Variants in NAV2 observed in about 807,000 individuals in gnomAD.
NAV2 encodes helicase, APC down-regulated 1.
A neutral mutation model predicts 223.2 loss-of-function variants in NAV2; 54 were observed. The ratio of observed to expected loss-of-function variants is 0.24; its 90% confidence interval spans 0.19 to 0.30. NAV2 has a LOEUF of 0.30. NAV2 is among the 10% of genes least tolerant of loss of function. The pLI is 1.00. For missense variants in NAV2, 2,806 were observed against 3,147.5 expected, an observed-to-expected ratio of 0.89 and a Z score of 2.60; for synonymous variants, 1,279 against 1,239.3, an observed-to-expected ratio of 1.03 and a Z score of -0.67.
At chr11:20,070,724 T>G (rs2059347590) in intron 22 of NAV2, among the ~76,000 whole-genome samples, 1 of 152,168 alleles carries the variant, frequency 6.6e-6, no homozygotes, top group African/African-American at 2.4e-5. Context: ...GTGTTTGTTT[T>G]CCCTGGGAAT....
chr11:19,706,520 T>C (rs2049667543), intron 1 of NAV2, among the ~76,000 whole-genome samples: 2 of 152,260 alleles, frequency 1.3e-5, no homozygotes, highest in African/African-American at 2.4e-5. Context: ...TTGTTTGTCA[T>C]TCATTTATTC....
chr11:19,591,564 G>A (rs10741782), intron 1 of NAV2, among the ~76,000 whole-genome samples: 147,362 of 152,336 alleles, frequency 0.97, 71,465 homozygotes, highest in East Asian at 1. Flanking sequence ...GCTGGATTCA[G>A]TGATGTCCCA....
chr11:19,597,120 G>A (rs1219125199), intron 1 of NAV2, among the ~76,000 whole-genome samples: 1 of 152,168 alleles, frequency 6.6e-6, no homozygotes, highest in East Asian at 1.9e-4. Flanking sequence ...AGTTTCCATA[G>A]GTGACTTTGT....
At chr11:19,390,838 G>A (rs1417847433) in intron 1 of NAV2, among the ~76,000 whole-genome samples, 1 of 152,120 alleles carries the variant, frequency 6.6e-6, no homozygotes, top group Non-Finnish European at 1.5e-5. Context: ...GAGTGGGCTT[G>A]GTCAGTGTTA....
intron 5 of NAV2, 123 bp from the exon 6 acceptor site, chr11:19,892,311 G>A (rs1035623853): frequency 1.0e-5 from 9 of 900,184 alleles, no homozygotes; most frequent in Non-Finnish European, 1.4e-5. Flanking sequence ...TCTGTGACTG[G>A]CAAACCTCCA....
At chr11:19,886,847 G>A (rs2041038420) in intron 5 of NAV2, among the ~76,000 whole-genome samples, 1 of 152,206 alleles carries the variant, frequency 6.6e-6, no homozygotes, top group Admixed American at 6.5e-5. Context: ...CCTAAGCCAA[G>A]ATCTGGCTTT....
chr11:19,464,758 C>T (rs752313334), intron 1 of NAV2, among the ~76,000 whole-genome samples: 18 of 152,294 alleles, frequency 1.2e-4, no homozygotes, highest in South Asian at 8.3e-4. Context: ...GAGACAAACT[C>T]GTGCAAAAAG....
intron 1 of NAV2, among the ~76,000 whole-genome samples, chr11:19,532,148 A>C (rs1306250645): frequency 6.6e-6 from 1 of 152,222 alleles, no homozygotes; most frequent in African/African-American, 2.4e-5. Flanking sequence ...TTTCGAGCCC[A>C]GTGGAAAGTT....
intron 1 of NAV2, among the ~76,000 whole-genome samples, chr11:19,411,820 C>G (rs1175369832): frequency 6.6e-6 from 1 of 152,086 alleles, no homozygotes; most frequent in Non-Finnish European, 1.5e-5. Flanking sequence ...TCCCCATGAC[C>G]CCTGGAAACA....
At chr11:19,949,887 A>G (rs564578030) in intron 10 of NAV2, among the ~76,000 whole-genome samples, 9 of 152,290 alleles carry the variant, frequency 5.9e-5, no homozygotes, top group South Asian at 2.1e-4. Context: ...TGAATGAATG[A>G]ACAAATCCAG....
At chr11:19,613,090 G>A (rs1362603696) in intron 1 of NAV2, among the ~76,000 whole-genome samples, 1 of 152,156 alleles carries the variant, frequency 6.6e-6, no homozygotes, top group Non-Finnish European at 1.5e-5. Flanking sequence ...GATCTCGTGA[G>A]CCTTATTCAC....
chr11:19,411,197 GCTGCTGCTCTGGGGACTA>G (rs1355221784), intron 1 of NAV2, among the ~76,000 whole-genome samples: 1 of 152,186 alleles, frequency 6.6e-6, no homozygotes, highest in Non-Finnish European at 1.5e-5. Flanking sequence ...CCCAGGTGAT[GCTGCTGCTCTGGGGACTA>G]CCACTGCATT....
intron 4 of NAV2, among the ~76,000 whole-genome samples, chr11:19,878,546 A>G (rs1486800248): frequency 1.3e-5 from 2 of 152,172 alleles, no homozygotes; most frequent in African/African-American, 4.8e-5. Flanking sequence ...TCCAAATGCT[A>G]TGCTCCTGTC....
At chr11:19,346,559 G>A (rs536306346), upstream of NAV2, among the ~76,000 whole-genome samples, 6 of 152,370 alleles carry the variant, frequency 3.9e-5, no homozygotes, top group Middle Eastern at 3.4e-3. Flanking sequence ...GGCGGCGGTG[G>A]CAGCCCGCGT....
At chr11:19,716,150 G>C (rs1033884378) in intron 1 of NAV2, among the ~76,000 whole-genome samples, 1 of 152,120 alleles carries the variant, frequency 6.6e-6, no homozygotes, top group African/African-American at 2.4e-5. Flanking sequence ...TATATTATTA[G>C]AAGATACTCA....
chr11:20,003,332 T>A (rs994663822), intron 11 of NAV2, among the ~76,000 whole-genome samples: 10 of 152,220 alleles, frequency 6.6e-5, no homozygotes, highest in Admixed American at 5.9e-4. Flanking sequence ...TATCCATTTA[T>A]GAGGGGAAAA....
At chr11:19,771,942 G>A (rs1448078238) in intron 1 of NAV2, among the ~76,000 whole-genome samples, 1 of 152,034 alleles carries the variant, frequency 6.6e-6, no homozygotes, top group Non-Finnish European at 1.5e-5. Flanking sequence ...CTGACCTTTT[G>A]GTAGGAGGCT....
chr11:20,073,348 C>T (rs9735744), intron 22 of NAV2, among the ~76,000 whole-genome samples: 49,589 of 151,870 alleles, frequency 0.33, 8,823 homozygotes, highest in African/African-American at 0.47. Context: ...AGTATTTTAC[C>T]GAGGATTTTC....
intron 1 of NAV2, among the ~76,000 whole-genome samples, chr11:19,825,100 A>G (rs910408392): frequency 6.6e-6 from 1 of 151,778 alleles, no homozygotes; most frequent in Non-Finnish European, 1.5e-5. Context: ...GAGACTAGCC[A>G]GGCCAACATG....
Sources: gnomAD v4.1 joint callset for allele counts (sites outside exome capture counted in the v4.1 genomes callset) on GRCh38, gnomAD v4.1.1 for gene constraint, MANE v1.5 for transcripts, NCBI Gene and HGNC (gene_info 2026-07-23, HGNC 2026-07-21) for gene names.